The following ABCG8 variants were observed in gnomAD, a reference collection of about 807,000 sequenced individuals.
ABCG8 encodes ATP-binding cassette sub-family G member 8.
Under a neutral mutation model 71.3 loss-of-function variants are expected in ABCG8, and 81 were observed. The ratio of observed to expected loss-of-function variants is 1.14; its 90% CI spans 0.95 to 1.37. The LOEUF (loss-of-function observed/expected upper bound fraction) is 1.37. Among genes scored for constraint, ABCG8 ranks in the 40% most tolerant of loss-of-function variants. The pLI, the probability that ABCG8 is intolerant of heterozygous loss-of-function variation, is 0.00. For synonymous variants in ABCG8, 451 were observed against 354.7 expected (o/e 1.27, Z -3.05); for missense variants, 1,119 against 866.2 (o/e 1.29, Z -3.66).
chr2:43,856,174 C>G (rs772269759), intron 6 of ABCG8, among the ~76,000 whole-genome samples: 2 of 152,112 alleles, frequency 1.3e-5, no homozygotes, highest in Non-Finnish European at 2.9e-5. Flanking sequence ...GGATAGAACT[C>G]TCACTATCTA....
At chr2:43,866,164 C>G (rs1669526589) in intron 6 of ABCG8, among the ~76,000 whole-genome samples, 1 of 151,928 alleles carries the variant, frequency 6.6e-6, no homozygotes, top group Non-Finnish European at 1.5e-5. Flanking sequence ...GAAACTGGAT[C>G]CCTTCCTTAC....
At chr2:43,855,452 A>G (rs1180340722) in intron 6 of ABCG8, among the ~76,000 whole-genome samples, 1 of 151,790 alleles carries the variant, frequency 6.6e-6, no homozygotes, top group Non-Finnish European at 1.5e-5. Flanking sequence ...CCCTCTGCAT[A>G]GGACTGTCAC....
Position 43,844,599 on chromosome 2 carries a change from C to G in ABCG8, c.156C>G (p.Leu52=). Residue 52 remains leucine, a synonymous_variant, in exon 2 of 13, where the codon CTC becomes CTG. Transcript: ENST00000272286. ...CCAACACCCTGGAGGTCAGAGACCT[C>G]AACTACCAGGTAGAGGCACGCCTGG... ...GQPNTLEVRD[L]NYQVDLASQV... 1 of 1,613,282 alleles carries G rather than the reference C, an allele frequency of 6.2e-7. No individual in the cohort carries two copies. Among genetic ancestry groups the G allele is most frequent in the Non-Finnish European group, 8.5e-7 (1 of 1,179,250 alleles).
Position 43,851,771 on chromosome 2 carries a change from T to G in ABCG8, c.510T>G (p.Ile170Met), listed in dbSNP as rs2104919054. The G allele has an allele frequency of 6.2e-7, 1 of 1,614,216 alleles. No homozygotes were observed. The highest frequency in any genetic ancestry group is 2.2e-5 in the East Asian group (1 of 44,880). ...NLTVRETLAF[I>M]AQMRLPRTFS... ...CTGTGCGAGAGACCTTGGCCTTCAT[T>G]GCCCAGATGCGGCTGCCCAGAACCT... is the stretch of plus-strand genomic sequence containing the variant. The change falls in exon 4 of 13, where the codon ATT becomes ATG. Residue 170 changes from isoleucine (I) to methionine (M), a missense_variant. Coordinates refer to ENST00000272286, the MANE Select transcript of ABCG8 (RefSeq NM_022437.3).
At chr2:43,877,150 CTG>C (rs1219859016) in intron 11 of ABCG8, among the ~76,000 whole-genome samples, 1 of 146,006 alleles carries the variant, frequency 6.8e-6, no homozygotes, top group South Asian at 2.2e-4. Flanking sequence ...TATGAGGAGA[CTG>C]TGTGAATATG....
intron 6 of ABCG8, among the ~76,000 whole-genome samples, chr2:43,854,235 A>T (rs529755388): frequency 6.6e-6 from 1 of 152,302 alleles, no homozygotes; most frequent in African/African-American, 2.4e-5. Flanking sequence ...GTTACCCAAA[A>T]ATCTGATGTT....
intron 10 of ABCG8, among the ~76,000 whole-genome samples, chr2:43,874,896 T>C (rs1669907248): frequency 6.6e-6 from 1 of 152,092 alleles, no homozygotes; most frequent in Non-Finnish European, 1.5e-5. Context: ...AAACCAGGTC[T>C]TAGGACAGCA....
In ABCG8 at chr2:43,857,792, C is replaced by G. The variant is rs1046440827; in HGVS notation, c.964+4924C>G. Among the ~76,000 whole-genome samples the G allele has an allele frequency of 3.3e-5, 5 of 151,750 alleles. No individual in the cohort carries two copies. In the South Asian group the frequency reaches 8.3e-4, roughly 25 times the overall value. On this transcript the variant is annotated intron_variant, in intron 6 of 12. Transcript: ENST00000272286. ...ACTATCTATCTGGATATAATTCCCA[C>G]TCTGTCGTTAGAACTCTCACTACCT... is the stretch of plus-strand genomic sequence containing the variant.
At chr2:43,851,075 T>C (rs1013424147) in intron 3 of ABCG8, among the ~76,000 whole-genome samples, 4 of 152,226 alleles carry the variant, frequency 2.6e-5, no homozygotes, top group African/African-American at 9.6e-5. Context: ...ATAGATTTGG[T>C]TTTGCATGTT....
chr2:43,857,461 A>T (rs9753033), intron 6 of ABCG8, among the ~76,000 whole-genome samples: 11,213 of 151,508 alleles, frequency 0.074, 508 homozygotes, highest in African/African-American at 0.11. Flanking sequence ...CTCACTCTAT[A>T]TAGAACTCTC....
At chr2:43,843,147 C>T (rs770984198) in intron 1 of ABCG8, among the ~76,000 whole-genome samples, 3 of 152,210 alleles carry the variant, frequency 2.0e-5, no homozygotes, top group African/African-American at 7.2e-5. Flanking sequence ...CCTGGTCTGT[C>T]TCGCTCCATC....
intron 11 of ABCG8, 33 bp from the exon 12 acceptor site, chr2:43,877,528 A>T: frequency 1.2e-6 from 2 of 1,612,774 alleles, no homozygotes; most frequent in South Asian, 2.2e-5. Flanking sequence ...AATATGAGGG[A>T]CACCTGTGAG....
intron 6 of ABCG8, among the ~76,000 whole-genome samples, chr2:43,869,033 A>G (rs188768902): frequency 8.6e-4 from 131 of 152,264 alleles, no homozygotes; most frequent in Non-Finnish European, 1.5e-3. Flanking sequence ...GCCTGTCTAG[A>G]TAGAATTTTC....
Position 43,877,817 on chromosome 2 carries a change from C to A in ABCG8, c.1926C>A (p.Ala642=). Residue 642 remains alanine (A), a synonymous_variant, in exon 13 of 13, where the codon GCC becomes GCA. Transcript: ENST00000272286. ...VMELDSYPLY[A]IYLIVIGLSG... The stretch of plus-strand genomic sequence containing the variant: ...AGCTGGACTCGTACCCTCTCTACGC[C>A]ATCTACCTCATCGTCATTGGCCTCA... 6.2e-7 allele frequency: 1 copy of A among 1,614,188 alleles called. No individual in the cohort carries two copies. The highest frequency in any genetic ancestry group is 8.5e-7 in the Non-Finnish European group (1 of 1,180,038).
intron 6 of ABCG8, among the ~76,000 whole-genome samples, chr2:43,870,469 G>A (rs578198052): frequency 2.0e-5 from 3 of 150,190 alleles, no homozygotes; most frequent in East Asian, 2.0e-4. Flanking sequence ...CACTATCTGG[G>A]TAGTATTCTC....
chr2:43,848,936 C>T (rs926286566), intron 3 of ABCG8, among the ~76,000 whole-genome samples: 2 of 148,346 alleles, frequency 1.3e-5, no homozygotes, highest in Non-Finnish European at 3.0e-5. Context: ...GTGGGAGAAT[C>T]GCTTGAACCC....
At chr2:43,845,783 G>T (rs1668725030) in intron 2 of ABCG8, among the ~76,000 whole-genome samples, 1 of 152,040 alleles carries the variant, frequency 6.6e-6, no homozygotes, top group South Asian at 2.1e-4. Flanking sequence ...CACCATGCCT[G>T]GCTAATTTTT....
At chr2:43,867,076 C>G (rs1669554741) in intron 6 of ABCG8, among the ~76,000 whole-genome samples, 1 of 151,826 alleles carries the variant, frequency 6.6e-6, no homozygotes, top group Non-Finnish European at 1.5e-5. Flanking sequence ...AATCATCATT[C>G]TCAGTAAACT....
intron 4 of ABCG8, among the ~76,000 whole-genome samples, 189 bp from the exon 5 acceptor site, chr2:43,852,165 G>A (rs1010318393): frequency 2.6e-5 from 4 of 152,216 alleles, no homozygotes; most frequent in Admixed American, 6.5e-5. Context: ...CCAGCACGTC[G>A]AGGCCCCTCG....
Sources: allele counts gnomAD v4.1 joint callset (sites outside exome capture counted in the v4.1 genomes callset), GRCh38; gene constraint gnomAD v4.1.1; transcripts MANE v1.5; gene names NCBI Gene and HGNC (gene_info 2026-07-23, HGNC 2026-07-21).